OPCML: variants seen among roughly 807,000 people sequenced by gnomAD.
The protein encoded by OPCML is opioid-binding protein/cell adhesion molecule.
In OPCML, 13 loss-of-function variants were observed where a neutral mutation model predicts 37.8. The ratio of observed to expected loss-of-function variants is 0.34; its 90% confidence interval spans 0.22 to 0.55. The LOEUF (loss-of-function observed/expected upper bound fraction) is 0.55. Among genes scored for constraint, OPCML ranks in the 20% least tolerant of loss-of-function variants. The pLI is 0.91. For synonymous variants in OPCML, 176 were observed against 168.8 expected, an observed-to-expected ratio of 1.04 and a Z score of -0.33; for missense variants, 341 against 435.6, an observed-to-expected ratio of 0.78 and a Z score of 1.93.
intron 4 of OPCML, among the ~76,000 whole-genome samples, chr11:132,463,222 C>T (rs73585025): frequency 0.012 from 1,761 of 152,296 alleles, 23 homozygotes; most frequent in African/African-American, 0.037. Context: ...CATTTTGTTC[C>T]ATTCAACACC....
chr11:132,655,871 T>C (rs994149652), intron 3 of OPCML, among the ~76,000 whole-genome samples: 3 of 151,558 alleles, frequency 2.0e-5, no homozygotes, highest in African/African-American at 7.3e-5. Flanking sequence ...CCTTTTTTTT[T>C]TTTTTTTTAA....
intron 1 of OPCML, among the ~76,000 whole-genome samples, chr11:133,520,674 A>T (rs1196083774): frequency 6.6e-6 from 1 of 152,220 alleles, no homozygotes; most frequent in African/African-American, 2.4e-5. Context: ...CATTCCCGGA[A>T]GTTCTACTTT....
At chr11:132,584,842 C>T (rs944387847) in intron 3 of OPCML, among the ~76,000 whole-genome samples, 1 of 152,176 alleles carries the variant, frequency 6.6e-6, no homozygotes. Flanking sequence ...TCTGTGCCTG[C>T]CACATGGTTA....
At chr11:132,800,124 G>T (rs1366555173) in intron 2 of OPCML, among the ~76,000 whole-genome samples, 1 of 152,062 alleles carries the variant, frequency 6.6e-6, no homozygotes, top group Non-Finnish European at 1.5e-5. Flanking sequence ...AGATATCAGA[G>T]CATAAGTTTT....
intron 2 of OPCML, among the ~76,000 whole-genome samples, chr11:132,886,430 T>C (rs919358750): frequency 3.9e-5 from 6 of 152,160 alleles, no homozygotes; most frequent in Non-Finnish European, 7.3e-5. Flanking sequence ...GGGCTTGCAG[T>C]GTGCACAATG....
At chr11:133,063,386 G>A (rs1206864622) in intron 1 of OPCML, among the ~76,000 whole-genome samples, 2 of 152,162 alleles carry the variant, frequency 1.3e-5, no homozygotes, top group Non-Finnish European at 2.9e-5. Context: ...TGTGCTCTTA[G>A]AAAAGGTCCC....
intron 1 of OPCML, among the ~76,000 whole-genome samples, chr11:133,037,405 T>A (rs1947802187): frequency 6.6e-6 from 1 of 152,222 alleles, no homozygotes; most frequent in Non-Finnish European, 1.5e-5. Flanking sequence ...CAGGACCATC[T>A]GCAGAGTCTT....
intron 2 of OPCML, among the ~76,000 whole-genome samples, chr11:132,815,784 T>C (rs1459116478): frequency 6.6e-6 from 1 of 152,208 alleles, no homozygotes; most frequent in African/African-American, 2.4e-5. Flanking sequence ...TGTGACAAAA[T>C]TTATTAAAGC....
intron 1 of OPCML, among the ~76,000 whole-genome samples, chr11:133,312,608 T>G (rs908121868): frequency 6.6e-6 from 1 of 152,154 alleles, no homozygotes; most frequent in African/African-American, 2.4e-5. Context: ...AAAAGAAAAT[T>G]AGTGGAGGCT....
intron 2 of OPCML, among the ~76,000 whole-genome samples, chr11:132,658,314 G>A (rs571029390): frequency 2.6e-3 from 396 of 152,340 alleles, no homozygotes; most frequent in African/African-American, 9.0e-3. Context: ...CTGCAGGTGA[G>A]GAGAACACGG....
At chr11:132,848,020 A>G (rs568890220) in intron 2 of OPCML, among the ~76,000 whole-genome samples, 1 of 152,304 alleles carries the variant, frequency 6.6e-6, no homozygotes, top group East Asian at 1.9e-4. Flanking sequence ...CCCTGTGGAC[A>G]TGGACAGTGA....
At position 133,315,102 on chromosome 11, in the gene OPCML, C is replaced by T. The variant is rs1319663484; in HGVS notation, c.61+217162G>A. Among the ~76,000 whole-genome samples the T allele has an allele frequency of 5.9e-5, 9 of 152,076 alleles. No homozygotes were observed. The East Asian group carries it at 7.7e-4, about 13-fold the overall frequency. On this transcript the variant is annotated intron_variant, in intron 1 of 7. Coordinates refer to ENST00000524381, the MANE Select transcript of OPCML (RefSeq NM_001012393.5). ...GTTTGCAAATTCATTGAATTAGATG[C>T]ATGTCTCTTATTATACATTTCTCTG...
intron 3 of OPCML, among the ~76,000 whole-genome samples, chr11:132,626,787 G>A (rs1591641180): frequency 3.5e-5 from 1 of 28,568 alleles, no homozygotes; most frequent in African/African-American, 1.4e-4. Context: ...TATCTCTGCT[G>A]TACAGAACGG....
intron 1 of OPCML, among the ~76,000 whole-genome samples, chr11:133,343,091 A>C (rs1435912836): frequency 3.3e-5 from 5 of 152,066 alleles, no homozygotes; most frequent in Admixed American, 6.6e-5. Flanking sequence ...GGCCTCCCAA[A>C]TCACTGGGAT....
intron 1 of OPCML, among the ~76,000 whole-genome samples, chr11:133,116,876 T>A (rs921839445): frequency 2.6e-5 from 4 of 151,514 alleles, no homozygotes; most frequent in African/African-American, 9.7e-5. Context: ...CATTGATGAT[T>A]ATTGCCTGAA....
chr11:132,599,325 GAA>G (rs1937665458), intron 3 of OPCML, among the ~76,000 whole-genome samples: 6 of 143,952 alleles, frequency 4.2e-5, no homozygotes, highest in Non-Finnish European at 7.5e-5. Context: ...AGGAGGAGGA[GAA>G]GAAGGAGGAG....
intron 2 of OPCML, among the ~76,000 whole-genome samples, chr11:132,938,462 A>C (rs192411542): frequency 7.9e-4 from 121 of 152,316 alleles, no homozygotes; most frequent in African/African-American, 2.9e-3. Flanking sequence ...GATGGAGCAG[A>C]CAAAACTGAA....
At chr11:132,527,636 A>G (rs2096312095) in intron 4 of OPCML, among the ~76,000 whole-genome samples, 1 of 152,054 alleles carries the variant, frequency 6.6e-6, no homozygotes, top group Non-Finnish European at 1.5e-5. Flanking sequence ...AAATATATGT[A>G]CAAGAAATGT....
intron 1 of OPCML, among the ~76,000 whole-genome samples, chr11:133,429,447 G>A (rs1339746063): frequency 2.6e-5 from 4 of 152,162 alleles, no homozygotes; most frequent in South Asian, 2.1e-4. Context: ...TGGAAGGCAC[G>A]GGACAGAGGC....
Sources: allele counts gnomAD v4.1 joint callset (sites outside exome capture counted in the v4.1 genomes callset), GRCh38; gene constraint gnomAD v4.1.1; transcripts MANE v1.5; gene names NCBI Gene and HGNC (gene_info 2026-07-23, HGNC 2026-07-21).